The following THSD4 variants were observed in gnomAD, a reference collection of about 807,000 sequenced individuals.
The protein encoded by THSD4 is thrombospondin type 1 domain containing 4.
Under a neutral mutation model 119.0 loss-of-function variants are expected in THSD4, and 69 were observed. The ratio of observed to expected loss-of-function variants is 0.58; its 90% CI spans 0.48 to 0.71. The LOEUF is 0.71. THSD4 is among the 30% of genes least tolerant of loss of function. The pLI, the probability that THSD4 is intolerant of heterozygous loss-of-function variation, is 0.00. For synonymous variants in THSD4, 524 were observed against 540.4 expected (o/e 0.97, Z 0.42); for missense variants, 1,393 against 1,391.1 (o/e 1.00, Z -0.02).
intron 6 of THSD4, among the ~76,000 whole-genome samples, chr15:71,257,213 G>A (rs1000679695): frequency 3.9e-5 from 6 of 152,224 alleles, no homozygotes; most frequent in East Asian, 1.9e-4. Context: ...CAAGATCCCC[G>A]TCATTTCCAG....
intron 3 of THSD4, among the ~76,000 whole-genome samples, chr15:71,200,347 G>A (rs1321569315): frequency 6.6e-6 from 1 of 152,126 alleles, no homozygotes; most frequent in Non-Finnish European, 1.5e-5. Context: ...CTTCTCACTG[G>A]TGGTATGGCT....
intron 11 of THSD4, among the ~76,000 whole-genome samples, chr15:71,741,999 G>A (rs761978243): frequency 2.4e-4 from 37 of 152,184 alleles, no homozygotes; most frequent in South Asian, 8.3e-4. Flanking sequence ...GAGGCAATGC[G>A]GAGGCACAGA....
intron 4 of THSD4, among the ~76,000 whole-genome samples, chr15:71,235,770 T>A (rs1489354429): frequency 3.3e-5 from 5 of 152,096 alleles, no homozygotes; most frequent in Non-Finnish European, 7.4e-5. Context: ...TTTGTGTTTT[T>A]AGTAGAGATG....
At chr15:71,610,746 C>A (rs1277222260) in intron 7 of THSD4, among the ~76,000 whole-genome samples, 1 of 152,138 alleles carries the variant, frequency 6.6e-6, no homozygotes, top group Non-Finnish European at 1.5e-5. Flanking sequence ...ATAAAGTGCC[C>A]ATCTTTATAG....
At chr15:71,613,853 G>A (rs1160929333) in intron 7 of THSD4, among the ~76,000 whole-genome samples, 2 of 152,180 alleles carry the variant, frequency 1.3e-5, no homozygotes, top group African/African-American at 2.4e-5. Context: ...TGGGGTATAG[G>A]TATAGCTCAT....
At chr15:71,332,448 CAGA>C (rs1019352011) in intron 6 of THSD4, among the ~76,000 whole-genome samples, 2 of 152,118 alleles carry the variant, frequency 1.3e-5, no homozygotes, top group Non-Finnish European at 2.9e-5. Context: ...CTGTAAAATG[CAGA>C]AGGAGTAAAC....
At chr15:71,724,084 A>C (rs1342549166) in intron 8 of THSD4, among the ~76,000 whole-genome samples, 1 of 149,554 alleles carries the variant, frequency 6.7e-6, no homozygotes, top group Non-Finnish European at 1.5e-5. Context: ...AAAAAAAAAA[A>C]AAAAATGAAT....
At chr15:71,613,913 G>A (rs2050275819) in intron 7 of THSD4, among the ~76,000 whole-genome samples, 1 of 152,134 alleles carries the variant, frequency 6.6e-6, no homozygotes, top group African/African-American at 2.4e-5. Flanking sequence ...CTGAATGGGG[G>A]TTTGCTGCAT....
chr15:71,687,575 T>G (rs949726090), intron 8 of THSD4, among the ~76,000 whole-genome samples: 1 of 152,028 alleles, frequency 6.6e-6, no homozygotes, highest in East Asian at 1.9e-4. Context: ...GCCAACATGG[T>G]GAAACCCTGT....
chr15:71,278,262 C>T (rs950131068), intron 6 of THSD4, among the ~76,000 whole-genome samples: 1 of 152,164 alleles, frequency 6.6e-6, no homozygotes, highest in African/African-American at 2.4e-5. Flanking sequence ...GTGGCATGAT[C>T]ATGGCTCATT....
intron 6 of THSD4, among the ~76,000 whole-genome samples, chr15:71,338,812 C>T (rs1394690676): frequency 6.6e-6 from 1 of 152,146 alleles, no homozygotes; most frequent in Non-Finnish European, 1.5e-5. Flanking sequence ...CTCTACCCAA[C>T]CGAGTGGACC....
intron 7 of THSD4, among the ~76,000 whole-genome samples, chr15:71,450,411 G>C (rs765184294): frequency 2.6e-5 from 4 of 152,080 alleles, no homozygotes; most frequent in Non-Finnish European, 5.9e-5. Flanking sequence ...GGGGAGAGTA[G>C]AACAGGAAAG....
At chr15:71,522,470 A>G (rs908686046) in intron 7 of THSD4, among the ~76,000 whole-genome samples, 1 of 152,144 alleles carries the variant, frequency 6.6e-6, no homozygotes, top group African/African-American at 2.4e-5. Context: ...AGTGGGGATG[A>G]GGGAGGTCCA....
intron 7 of THSD4, among the ~76,000 whole-genome samples, chr15:71,523,643 G>C (rs28589803): frequency 0.06 from 9,060 of 152,236 alleles, 874 homozygotes; most frequent in African/African-American, 0.21. Context: ...ACTGGCTGCT[G>C]TGGCCTTAGT....
intron 10 of THSD4, 189 bp downstream of exon 10, chr15:71,731,406 G>A (rs1026264716): frequency 3.4e-6 from 2 of 594,882 alleles, no homozygotes; most frequent in Admixed American, 3.0e-5. Flanking sequence ...TCACTGATGA[G>A]ACTGTTTCAT....
intron 7 of THSD4, among the ~76,000 whole-genome samples, chr15:71,617,478 G>A (rs1235754715): frequency 1.3e-5 from 2 of 151,640 alleles, no homozygotes; most frequent in Non-Finnish European, 2.9e-5. Flanking sequence ...ACTTTCCCAG[G>A]ACTCAATTAA....
At chr15:71,492,943 C>T (rs557231876) in intron 7 of THSD4, among the ~76,000 whole-genome samples, 1 of 151,032 alleles carries the variant, frequency 6.6e-6, no homozygotes, top group South Asian at 2.1e-4. Context: ...AAGGGTTAAT[C>T]ACTGTAATGA....
At chr15:71,759,708 G>A (rs1254590188) in intron 15 of THSD4, among the ~76,000 whole-genome samples, 3 of 152,210 alleles carry the variant, frequency 2.0e-5, no homozygotes, top group African/African-American at 7.2e-5. Context: ...AAGATAAGCA[G>A]TACAATCGAA....
chr15:71,412,369 A>G (rs552049806), intron 7 of THSD4, among the ~76,000 whole-genome samples: 1 of 152,330 alleles, frequency 6.6e-6, no homozygotes, highest in South Asian at 2.1e-4. Flanking sequence ...CGTTCTGCAA[A>G]CATTCTGGGC....
Sources: allele counts gnomAD v4.1 joint callset (sites outside exome capture counted in the v4.1 genomes callset), GRCh38; gene constraint gnomAD v4.1.1; transcripts MANE v1.5; gene names NCBI Gene and HGNC (gene_info 2026-07-23, HGNC 2026-07-21).